Variants in CSMD1 observed in about 807,000 individuals in gnomAD.
CSMD1 encodes the protein CUB and sushi domain-containing protein 1.
A neutral mutation model predicts 417.5 loss-of-function variants in CSMD1; 213 were observed. That is an observed-to-expected ratio of 0.51 (90% CI 0.46 to 0.57). The LOEUF is 0.57. Among genes scored for constraint, CSMD1 ranks in the 20% least tolerant of loss-of-function variants. CSMD1 has a pLI of 0.00. For synonymous variants in CSMD1, 2,862 were observed against 1,736.8 expected, an observed-to-expected ratio of 1.65 and a Z score of -16.11; for missense variants, 6,923 against 4,529.7, an observed-to-expected ratio of 1.53 and a Z score of -15.17.
chr8:4,153,220 C>T (rs979616065), intron 3 of CSMD1, among the ~76,000 whole-genome samples: 2 of 152,136 alleles, frequency 1.3e-5, no homozygotes, highest in East Asian at 1.9e-4. Context: ...AGCAACTCAC[C>T]CAAGGGGAGC....
intron 3 of CSMD1, among the ~76,000 whole-genome samples, chr8:4,048,309 A>G (rs1008652398): frequency 1.3e-5 from 2 of 152,200 alleles, no homozygotes; most frequent in African/African-American, 2.4e-5. Flanking sequence ...CTGGTTACAC[A>G]AAGAGGGGAG....
At chr8:4,654,308 G>T (rs1004685316) in intron 1 of CSMD1, among the ~76,000 whole-genome samples, 3 of 152,032 alleles carry the variant, frequency 2.0e-5, no homozygotes, top group Non-Finnish European at 4.4e-5. Flanking sequence ...GGATATAAAT[G>T]GTTCAGGGAT....
At chr8:3,724,233 A>G (rs1259059620) in intron 6 of CSMD1, among the ~76,000 whole-genome samples, 2 of 151,860 alleles carry the variant, frequency 1.3e-5, no homozygotes, top group Non-Finnish European at 2.9e-5. Flanking sequence ...GTTTTAGGGT[A>G]CATGTGCACA....
chr8:3,923,241 T>C (rs956752110), intron 5 of CSMD1, among the ~76,000 whole-genome samples: 1 of 152,142 alleles, frequency 6.6e-6, no homozygotes, highest in Admixed American at 6.6e-5. Context: ...TGGTGGTGAA[T>C]CTTCCAGAGT....
At chr8:3,658,090 A>C (rs1345431113) in intron 7 of CSMD1, among the ~76,000 whole-genome samples, 2 of 152,182 alleles carry the variant, frequency 1.3e-5, no homozygotes, top group East Asian at 1.9e-4. Flanking sequence ...TGATTATCAC[A>C]ATGCTAGCAA....
chr8:4,021,796 G>A (rs1796801830), intron 4 of CSMD1, among the ~76,000 whole-genome samples: 2 of 152,020 alleles, frequency 1.3e-5, no homozygotes, highest in South Asian at 4.1e-4. Flanking sequence ...GCCATTTAGT[G>A]ATAAAACTAA....
intron 1 of CSMD1, among the ~76,000 whole-genome samples, chr8:4,954,865 C>A (rs1808984572): frequency 6.6e-6 from 1 of 152,208 alleles, no homozygotes; most frequent in South Asian, 2.1e-4. Context: ...CACATACTAA[C>A]TCATAACTTC....
intron 21 of CSMD1, among the ~76,000 whole-genome samples, chr8:3,352,713 G>A (rs1808497254): frequency 6.6e-6 from 1 of 152,120 alleles, no homozygotes; most frequent in African/African-American, 2.4e-5. Flanking sequence ...GGTGGTGCAT[G>A]CCGGTTGTCC....
At chr8:3,942,585 G>A (rs942027550) in intron 5 of CSMD1, among the ~76,000 whole-genome samples, 3 of 152,136 alleles carry the variant, frequency 2.0e-5, no homozygotes, top group African/African-American at 7.2e-5. Flanking sequence ...AGAGATAGAT[G>A]TAGTTTTTCC....
intron 12 of CSMD1, among the ~76,000 whole-genome samples, chr8:3,434,206 C>G (rs1027827421): frequency 1.3e-5 from 2 of 152,164 alleles, no homozygotes; most frequent in South Asian, 2.1e-4. Context: ...CCCATTTATG[C>G]CAGCGTCCTT....
intron 36 of CSMD1, among the ~76,000 whole-genome samples, chr8:3,184,364 A>G (rs72621199): frequency 0.13 from 19,732 of 152,194 alleles, 1,786 homozygotes; most frequent in South Asian, 0.28. Context: ...GCAAAGCAGA[A>G]CCTTCCCTGA....
intron 1 of CSMD1, among the ~76,000 whole-genome samples, chr8:4,775,291 T>C (rs778553180): frequency 6.6e-6 from 1 of 152,140 alleles, no homozygotes; most frequent in Non-Finnish European, 1.5e-5. Context: ...AGGTCCAGCA[T>C]AAAGTCTCCA....
At chr8:4,971,512 G>A (rs1459739969) in intron 1 of CSMD1, among the ~76,000 whole-genome samples, 1 of 151,918 alleles carries the variant, frequency 6.6e-6, no homozygotes, top group Non-Finnish European at 1.5e-5. Context: ...AGGAAATGAT[G>A]AAGAATTTAT....
chr8:3,427,496 G>C (rs1404198731), intron 12 of CSMD1, among the ~76,000 whole-genome samples: 1 of 152,024 alleles, frequency 6.6e-6, no homozygotes, highest in East Asian at 1.9e-4. Flanking sequence ...ACAGTCAAAT[G>C]ATGAAAATAT....
At chr8:4,409,327 A>T (rs562742637) in intron 3 of CSMD1, among the ~76,000 whole-genome samples, 1 of 152,242 alleles carries the variant, frequency 6.6e-6, no homozygotes, top group East Asian at 1.9e-4. Flanking sequence ...CTTAATCCAA[A>T]TCTATGTCAT....
At chr8:4,787,392 G>T in intron 1 of CSMD1, 4 of 737,140 alleles carry the variant, frequency 5.4e-6, no homozygotes, top group Non-Finnish European at 7.4e-6. Flanking sequence ...AACAAAAGAA[G>T]TCTACGAAAA....
intron 52 of CSMD1, among the ~76,000 whole-genome samples, chr8:3,008,588 T>A (rs1808141728): frequency 6.6e-6 from 1 of 152,060 alleles, no homozygotes. Flanking sequence ...ACTCAGAAAC[T>A]GGCTCCTGAA....
intron 5 of CSMD1, among the ~76,000 whole-genome samples, chr8:3,760,917 T>G (rs929426708): frequency 1.2e-4 from 18 of 152,146 alleles, no homozygotes; most frequent in Non-Finnish European, 2.2e-4. Flanking sequence ...GAGACCAGTT[T>G]TGTGTCAATT....
At chr8:4,147,785 T>C (rs1796339268) in intron 3 of CSMD1, among the ~76,000 whole-genome samples, 3 of 152,112 alleles carry the variant, frequency 2.0e-5, no homozygotes, top group African/African-American at 7.2e-5. Flanking sequence ...GATCAGAGCC[T>C]GACCCAATGT....
Sources: gnomAD v4.1 joint callset for allele counts (sites outside exome capture counted in the v4.1 genomes callset) on GRCh38, gnomAD v4.1.1 for gene constraint, MANE v1.5 for transcripts, NCBI Gene and HGNC (gene_info 2026-07-23, HGNC 2026-07-21) for gene names.